TMEM65: variants seen among roughly 807,000 people sequenced by gnomAD.
The protein encoded by TMEM65 is transmembrane protein 65.
A neutral mutation model predicts 25.4 loss-of-function variants in TMEM65; 22 were observed. The observed-to-expected ratio is 0.86, with a 90% CI of 0.62 to 1.23. The LOEUF (loss-of-function observed/expected upper bound fraction) is 1.23. Ranked by LOEUF, TMEM65 falls within the 50% of genes most tolerant of loss-of-function variation. The probability of loss-of-function intolerance (pLI) is 0.00; values close to 1 mark genes in which losing one functional copy is unlikely to be tolerated. For synonymous variants in TMEM65, 132 were observed against 126.2 expected (o/e 1.05, Z -0.31); for missense variants, 262 against 308.2 (o/e 0.85, Z 1.12).
chr8:124,360,302 C>T (rs1380963765), intron 1 of TMEM65, among the ~76,000 whole-genome samples: 2 of 151,754 alleles, frequency 1.3e-5, no homozygotes, highest in Admixed American at 6.6e-5. Flanking sequence ...TGGTGGCGCG[C>T]GCCTGCAGCC....
chr8:124,335,979 T>C (rs1361542207), intron 1 of TMEM65, among the ~76,000 whole-genome samples: 2 of 152,072 alleles, frequency 1.3e-5, no homozygotes, highest in African/African-American at 4.8e-5. Flanking sequence ...AACTATATGA[T>C]ATCCCAAGGA....
rs1815025683 is a variant in TMEM65 at position 124,372,095 on chromosome 8, G to A, written c.63C>T (p.Ala21=). Residue 21 remains alanine (A), a synonymous_variant, in exon 1 of 7, where the codon GCC becomes GCT. Coordinates refer to ENST00000297632, the MANE Select transcript of TMEM65 (RefSeq NM_194291.3). ...ACGGCGGGCGGGGCGCGGCGGCGGC[G>A]GCCGGGCCCGGCCTCAGGCTGCGCG... ...RTARSLRPGP[A]AAAAPRPPSW... 25 of 1,098,750 alleles carry A rather than the reference G, an allele frequency of 2.3e-5. No individual in the cohort carries two copies. The highest frequency in any genetic ancestry group is 2.7e-5 in the Non-Finnish European group (24 of 904,486). 68.1% of individuals were successfully genotyped at this position (1,098,750 alleles called of 1,614,324 possible). A position where few individuals can be genotyped will look rare whatever the true frequency, so the allele number is the denominator to read the frequency against.
intron 1 of TMEM65, among the ~76,000 whole-genome samples, chr8:124,371,070 T>C (rs1014308291): frequency 1.3e-5 from 2 of 152,244 alleles, no homozygotes; most frequent in Admixed American, 6.5e-5. Flanking sequence ...TTTAGAAATA[T>C]CCTATTTTAA....
At chr8:124,365,382 A>G (rs1814924930) in intron 1 of TMEM65, among the ~76,000 whole-genome samples, 1 of 152,178 alleles carries the variant, frequency 6.6e-6, no homozygotes, top group Non-Finnish European at 1.5e-5. Flanking sequence ...ATAAGGAATC[A>G]CCTTTCTGTC....
intron 2 of TMEM65, among the ~76,000 whole-genome samples, chr8:124,330,240 G>C (rs1226024667): frequency 2.6e-5 from 4 of 151,684 alleles, no homozygotes; most frequent in Non-Finnish European, 5.9e-5. Context: ...GTATATTCTT[G>C]AATATTTATT....
intron 1 of TMEM65, among the ~76,000 whole-genome samples, chr8:124,371,086 T>C (rs1815005107): frequency 6.6e-6 from 1 of 152,254 alleles, no homozygotes; most frequent in Non-Finnish European, 1.5e-5. Context: ...TTTAACATGC[T>C]AGTTTAAAAA....
intron 1 of TMEM65, among the ~76,000 whole-genome samples, chr8:124,350,381 CAG>C (rs1814691854): frequency 6.6e-6 from 1 of 151,574 alleles, no homozygotes; most frequent in South Asian, 2.1e-4. Context: ...AAAACAGGGA[CAG>C]AGAGATATTT....
At chr8:124,357,358 T>G (rs1814796078) in intron 1 of TMEM65, among the ~76,000 whole-genome samples, 1 of 152,176 alleles carries the variant, frequency 6.6e-6, no homozygotes, top group Non-Finnish European at 1.5e-5. Context: ...TCTGGAGAGC[T>G]TTCCTATAGG....
In TMEM65 at chr8:124,327,400, G is replaced by A; in HGVS notation, c.371C>T (p.Pro124Leu). ...LRYVFIHNAIPFIGFGFLDNA... is the reference protein window; with the variant it reads ...LRYVFIHNAILFIGFGFLDNA... The stretch of plus-strand genomic sequence containing the variant: ...ATCCAAAAAGCCAAACCCTATGAAA[G>A]GTATCGCATTGTGGATGAATACTGA... Residue 124 changes from proline (P) to leucine (L), a missense_variant, in exon 3 of 7, where the codon CCT (proline) becomes CTT (leucine). Transcript: ENST00000297632. The A allele has an allele frequency of 6.3e-7, 1 of 1,597,366 alleles. No homozygotes were observed. The highest frequency in any genetic ancestry group is 1.1e-5 in the South Asian group (1 of 87,256).
Position 124,372,328 on chromosome 8 carries a change from T to G in TMEM65, c.-171A>C. 9 of 407,446 alleles carry G rather than the reference T, an allele frequency of 2.2e-5. No individual in the cohort carries two copies. The highest frequency in any genetic ancestry group is 2.4e-5 in the Non-Finnish European group (7 of 291,284). 25.2% of individuals were successfully genotyped at this position (407,446 alleles called of 1,614,324 possible). On this transcript the variant is annotated 5_prime_UTR_variant, in exon 1 of 7. Transcript: ENST00000297632. ...GGGCCCGCGCGGCTCTCGCCTCCTG[T>G]TCCGTCCCCACTTCCTTTCCAAAAG...
rs1814091235 is a variant in TMEM65 at position 124,306,272 on chromosome 8, T to C, written c.*7688A>G. On this transcript the variant is annotated 3_prime_UTR_variant, in exon 7 of 7. Coordinates refer to ENST00000297632, the MANE Select transcript of TMEM65 (RefSeq NM_194291.3). ...TCTTTGGTAGTTGGTAGACAAAGAA[T>C]ACATATACATATTCTATTTCCCATT... The C allele has an allele frequency of 6.6e-6, 1 of 152,186 alleles. No homozygotes were observed. The highest frequency in any genetic ancestry group is 1.5e-5 in the Non-Finnish European group (1 of 68,024). 9.4% of individuals were successfully genotyped at this position (152,186 alleles called of 1,614,324 possible).
chr8:124,321,745 T>C (rs1489592719), intron 5 of TMEM65, among the ~76,000 whole-genome samples: 1 of 152,142 alleles, frequency 6.6e-6, no homozygotes, highest in Non-Finnish European at 1.5e-5. Context: ...CTTGGAGATG[T>C]CTATAAAATA....
At chr8:124,322,972 G>A (rs1159543674) in intron 4 of TMEM65, among the ~76,000 whole-genome samples, 3 of 151,544 alleles carry the variant, frequency 2.0e-5, no homozygotes, top group Non-Finnish European at 4.4e-5. Flanking sequence ...TGCAGCCTGG[G>A]TGACAGAGTG....
At chr8:124,332,625 TATAA>T (rs1364577946) in intron 1 of TMEM65, among the ~76,000 whole-genome samples, 3 of 151,600 alleles carry the variant, frequency 2.0e-5, no homozygotes, top group African/African-American at 7.3e-5. Context: ...GAGAAAGAAA[TATAA>T]AATAAAGGAG....
chr8:124,364,552 G>A (rs1384313554), intron 1 of TMEM65, among the ~76,000 whole-genome samples: 1 of 152,152 alleles, frequency 6.6e-6, no homozygotes, highest in Non-Finnish European at 1.5e-5. Flanking sequence ...CCGACATCTG[G>A]TAGAAGCTAA....
intron 6 of TMEM65, among the ~76,000 whole-genome samples, chr8:124,319,035 C>G (rs1272441026): frequency 1.3e-5 from 2 of 152,116 alleles, no homozygotes; most frequent in African/African-American, 4.8e-5. Flanking sequence ...TAAGATCTAT[C>G]AGAAATAAGA....
intron 1 of TMEM65, among the ~76,000 whole-genome samples, chr8:124,353,100 C>T (rs1350441485): frequency 6.6e-6 from 1 of 151,886 alleles, no homozygotes; most frequent in Non-Finnish European, 1.5e-5. Flanking sequence ...GCACTCCAGC[C>T]TAGGTGACAG....
chr8:124,335,952 CA>C (rs1011267910), intron 1 of TMEM65, among the ~76,000 whole-genome samples: 13 of 151,730 alleles, frequency 8.6e-5, no homozygotes, highest in Non-Finnish European at 1.5e-4. Context: ...CAAAAACGAA[CA>C]AAAAAAGTAA....
At chr8:124,322,708 A>T (rs1177673517) in intron 4 of TMEM65, among the ~76,000 whole-genome samples, 2 of 152,062 alleles carry the variant, frequency 1.3e-5, no homozygotes, top group African/African-American at 2.4e-5. Flanking sequence ...AATAAAAAAT[A>T]AATAATAGGC....
Sources: gnomAD v4.1 joint callset for allele counts (sites outside exome capture counted in the v4.1 genomes callset) on GRCh38, gnomAD v4.1.1 for gene constraint, MANE v1.5 for transcripts, NCBI Gene and HGNC (gene_info 2026-07-23, HGNC 2026-07-21) for gene names.